PHF12: variants seen among roughly 807,000 people sequenced by gnomAD.
PHF12 encodes PHD factor 1.
A neutral mutation model predicts 99.8 loss-of-function variants in PHF12; 6 were observed. The ratio of observed to expected loss-of-function variants is 0.06; its 90% CI spans 0.03 to 0.12. The LOEUF is 0.12. Ranked by LOEUF, PHF12 falls within the 10% of genes least tolerant of loss-of-function variation. The pLI is 1.00. For synonymous variants in PHF12, 480 were observed against 514.9 expected, an observed-to-expected ratio of 0.93 and a Z score of 0.92; for missense variants, 954 against 1,300.1, an observed-to-expected ratio of 0.73 and a Z score of 4.09.
intron 2 of PHF12, among the ~76,000 whole-genome samples, chr17:28,930,792 C>T (rs549031429): frequency 1.8e-4 from 27 of 152,288 alleles, no homozygotes; most frequent in African/African-American, 6.3e-4. Flanking sequence ...CACTTCTGGC[C>T]GGGTGCAGTA....
At chr17:28,942,584 G>A (rs1373998312) in intron 2 of PHF12, among the ~76,000 whole-genome samples, 6 of 152,062 alleles carry the variant, frequency 3.9e-5, no homozygotes, top group African/African-American at 9.7e-5. Flanking sequence ...TTGCGAGGCC[G>A]AGGCGGGCAG....
At chr17:28,907,815 C>A in intron 12 of PHF12, 143 bp from the exon 13 acceptor site, 1 of 612,666 alleles carries the variant, frequency 1.6e-6, no homozygotes, top group East Asian at 3.0e-5. Flanking sequence ...AGGGCCCTCC[C>A]CTTTTATTTT....
In PHF12 at chr17:28,951,331, G is replaced by T. The variant is rs552266820; in HGVS notation, c.-371C>A. On this transcript the variant is annotated 5_prime_UTR_variant, in exon 1 of 15. Transcript: ENST00000332830. Reference sequence around the variant, plus strand: ...CATCCCGGGGCTGGGGGTATCGGAGGGGGGGTGAGAGGTTACGTGAGGTTG... The same window carrying T: ...CATCCCGGGGCTGGGGGTATCGGAGTGGGGGTGAGAGGTTACGTGAGGTTG... 51 of 1,056,276 alleles carry T rather than the reference G, an allele frequency of 4.8e-5. No homozygotes were observed. Among genetic ancestry groups the T allele is most frequent in the Middle Eastern group, 8.8e-4 (2 of 2,274 alleles). 65.4% of individuals were successfully genotyped at this position (1,056,276 alleles called of 1,614,324 possible). A position where few individuals can be genotyped will look rare whatever the true frequency, so the allele number is the denominator to read the frequency against.
intron 4 of PHF12, among the ~76,000 whole-genome samples, chr17:28,922,545 G>A (rs756448321): frequency 2.6e-5 from 4 of 151,966 alleles, no homozygotes; most frequent in Non-Finnish European, 4.4e-5. Context: ...AGGACAATTT[G>A]GCAATATCTA....
intron 2 of PHF12, among the ~76,000 whole-genome samples, chr17:28,929,523 G>A (rs565684221): frequency 6.6e-6 from 1 of 152,314 alleles, no homozygotes; most frequent in African/African-American, 2.4e-5. Context: ...GGGTGTACAG[G>A]CGTGAGCCAC....
At chr17:28,948,224 C>T (rs1431644170) in intron 2 of PHF12, among the ~76,000 whole-genome samples, 2 of 152,194 alleles carry the variant, frequency 1.3e-5, no homozygotes, top group Non-Finnish European at 2.9e-5. Context: ...AGGAGTAGGA[C>T]GTAAGCCCAC....
At chr17:28,926,925 T>C (rs2040287685) in intron 3 of PHF12, 66 bp downstream of exon 3, 20 of 1,607,860 alleles carry the variant, frequency 1.2e-5, no homozygotes, top group Non-Finnish European at 1.6e-5. Context: ...TAGGCCGTCT[T>C]AGCTCTAGCA....
At chr17:28,910,521 C>T (rs1043569849) in intron 10 of PHF12, 152 bp from the exon 11 acceptor site, 14 of 999,252 alleles carry the variant, frequency 1.4e-5, no homozygotes, top group Non-Finnish European at 2.9e-6. Flanking sequence ...GTACAAGGAT[C>T]TGCAGCTGGG....
chr17:28,950,861 G>A lies in PHF12; in HGVS notation c.66+34C>T, dbSNP rs1356771076. On this transcript the variant is annotated intron_variant, in intron 1 of 14. Transcript: ENST00000332830. This position sits in a 1 kb window ranked among gnomAD's most constrained non-coding sequence, Gnocchi z 5.7. ...CGGAGGGCGGAGGTTCCCTCCCGGC[G>A]CTGGAGGAAGGAGATGAGGAGGGCC... 1 of 1,610,148 alleles carries A rather than the reference G, an allele frequency of 6.2e-7. No homozygotes were observed. Among genetic ancestry groups the A allele is most frequent in the Non-Finnish European group, 8.5e-7 (1 of 1,177,604 alleles).
At chr17:28,913,732 T>C (rs184468948) in intron 8 of PHF12, 147 bp downstream of exon 8, 6 of 1,179,150 alleles carry the variant, frequency 5.1e-6, no homozygotes, top group South Asian at 1.6e-5. Context: ...GAGCCAGAAG[T>C]TCCCCCTGGA....
chr17:28,951,009 CGGGGGGA>C lies in PHF12; in HGVS notation c.-56_-50del. 6.2e-7 allele frequency: 1 copy of C among 1,608,582 alleles called. No individual in the cohort carries two copies. The highest frequency in any genetic ancestry group is 8.5e-7 in the Non-Finnish European group (1 of 1,177,122). ...CTCTCTGCTCCGGCCCCCCCAACCC[CGGGGGGA>C]GGGGGGAGGTGAGGGGAGGGGGCGC... is the stretch of plus-strand genomic sequence containing the variant. On this transcript the variant is annotated 5_prime_UTR_variant, in exon 1 of 15. Coordinates refer to ENST00000332830, the MANE Select transcript of PHF12 (RefSeq NM_001033561.2).
intron 2 of PHF12, among the ~76,000 whole-genome samples, chr17:28,931,633 G>A (rs1484115774): frequency 6.6e-6 from 1 of 151,088 alleles, no homozygotes; most frequent in African/African-American, 2.4e-5. Flanking sequence ...CCAAGCTGGA[G>A]TTCAGTGGCG....
rs1295278336 is a variant in PHF12 at position 28,949,103 on chromosome 17, G to C, written c.248+962C>G. ...CTCCCCTCCTCTCATGTCCAGTAAG[G>C]GGGAAAAAGCGTACGGCTTTCCAGC... On this transcript the variant is annotated intron_variant, in intron 2 of 14. Coordinates refer to ENST00000332830, the MANE Select transcript of PHF12 (RefSeq NM_001033561.2). This position sits in a 1 kb window ranked among gnomAD's most constrained non-coding sequence, Gnocchi z 4.6. Among the ~76,000 whole-genome samples, 1 of 152,162 alleles carries C rather than the reference G, an allele frequency of 6.6e-6. No homozygotes were observed. Among genetic ancestry groups the C allele is most frequent in the Non-Finnish European group, 1.5e-5 (1 of 68,028 alleles).
intron 2 of PHF12, among the ~76,000 whole-genome samples, chr17:28,931,581 CT>C (rs925846147): frequency 2.0e-5 from 3 of 148,116 alleles, no homozygotes; most frequent in African/African-American, 7.5e-5. Context: ...TTAAGATCTG[CT>C]TTTTTTTTGT....
rs371533292 is a variant in PHF12, at chr17:28,912,487, G to A, written c.2084C>T (p.Ser695Leu). 6.7e-5 allele frequency: 106 copies of A among 1,593,436 alleles called. No homozygotes were observed. Among genetic ancestry groups the A allele is most frequent in the Non-Finnish European group, 8.7e-5 (101 of 1,166,828 alleles). Residue 695 changes from serine to leucine, a missense_variant, in exon 9 of 15, where the codon TCG becomes TTG. Around this residue, in one of 8 missense-constraint regions of PHF12, gnomAD observed 143 missense variants for 191.8 expected, o/e 0.75. Coordinates refer to ENST00000332830, the MANE Select transcript of PHF12 (RefSeq NM_001033561.2). ...ANQRFSSPAP[S>L]SDGKVSPGTL... ...CAAGGCTGAGCAGCACTCACCTGAC[G>A]ATGGCGCTGGTGAGCTGAATCGTTG...
rs909829084 is a variant in PHF12 at position 28,905,926 on chromosome 17, C to T, written c.*257G>A. 2.2e-5 allele frequency: 8 copies of T among 370,652 alleles called. No homozygotes were observed. The highest frequency in any genetic ancestry group is 1.4e-4 in the South Asian group (2 of 13,858). 23.0% of individuals were successfully genotyped at this position (370,652 alleles called of 1,614,324 possible). On this transcript the variant is annotated 3_prime_UTR_variant, in exon 15 of 15. Transcript: ENST00000332830. ...CCCTGGGTCTTTCCCTCCCTGCCCA[C>T]GCTGTTCCTCAGCTCAGGTCTGCCG...
intron 2 of PHF12, among the ~76,000 whole-genome samples, chr17:28,932,929 G>A (rs1726133930): frequency 1.3e-5 from 2 of 152,052 alleles, no homozygotes; most frequent in Non-Finnish European, 2.9e-5. Context: ...CTGGGTGACA[G>A]GAGATTCTTC....
chr17:28,939,746 C>T (rs1425238626), intron 2 of PHF12, among the ~76,000 whole-genome samples: 2 of 152,202 alleles, frequency 1.3e-5, no homozygotes, highest in Non-Finnish European at 2.9e-5. Flanking sequence ...CCTCTGAGGA[C>T]CATAGCTGAG....
chr17:28,930,335 T>C (rs2040372683), intron 2 of PHF12, among the ~76,000 whole-genome samples: 1 of 152,204 alleles, frequency 6.6e-6, no homozygotes, highest in Admixed American at 6.5e-5. Flanking sequence ...CATGTCTGAA[T>C]CCCCTTCTCC....
Sources: allele counts gnomAD v4.1 joint callset (sites outside exome capture counted in the v4.1 genomes callset), GRCh38; gene constraint gnomAD v4.1.1; regional missense constraint gnomAD v4.1.1; non-coding constraint Gnocchi (gnomAD v3.1); transcripts MANE v1.5; gene names NCBI Gene and HGNC (gene_info 2026-07-23, HGNC 2026-07-21).